HS3ST5: variants seen among roughly 807,000 people sequenced by gnomAD.
HS3ST5 encodes the protein heparan sulfate-glucosamine 3-sulfotransferase 5.
Under a neutral mutation model 25.4 loss-of-function variants are expected in HS3ST5, and 10 were observed. That is an observed-to-expected ratio of 0.39 (90% confidence interval 0.24 to 0.67). HS3ST5 has a LOEUF of 0.67. HS3ST5 is among the 30% of genes least tolerant of loss of function. The pLI is 0.44. For synonymous variants in HS3ST5, 170 were observed against 162.4 expected (o/e 1.05, Z -0.36); for missense variants, 324 against 420.7 (o/e 0.77, Z 2.01).
chr6:114,271,240 A>T (rs1021844320), intron 1 of HS3ST5, among the ~76,000 whole-genome samples: 1 of 152,058 alleles, frequency 6.6e-6, no homozygotes, highest in Admixed American at 6.6e-5. Context: ...TTGTTTCTCA[A>T]TTGATCATGG....
At chr6:114,298,654 G>A (rs1451921721) in intron 1 of HS3ST5, among the ~76,000 whole-genome samples, 1 of 152,214 alleles carries the variant, frequency 6.6e-6, no homozygotes, top group African/African-American at 2.4e-5. Flanking sequence ...ACCCCGAATG[G>A]GGGGACCGGC....
At chr6:114,193,674 C>A (rs953813741) in intron 2 of HS3ST5, among the ~76,000 whole-genome samples, 4 of 152,088 alleles carry the variant, frequency 2.6e-5, no homozygotes, top group Non-Finnish European at 5.9e-5. Context: ...TACTGTAATG[C>A]CTGGCACATA....
chr6:114,327,419 GT>G lies in HS3ST5; in HGVS notation c.-339+14775del, dbSNP rs540422644. 3.2e-3 allele frequency among the ~76,000 whole-genome samples: 488 copies of G among 152,310 alleles called. 2 individuals carry two copies. Among genetic ancestry groups the G allele is most frequent in the African/African-American group, 0.011 (464 of 41,566 alleles). On this transcript the variant is annotated intron_variant, in intron 1 of 4. Coordinates refer to ENST00000312719, the MANE Select transcript of HS3ST5 (RefSeq NM_153612.4). ...CTGAACAGTTTGATGATGCAAATTA[GT>G]TTGAGGATCAATTTAGGATTTCTCT... is the stretch of plus-strand genomic sequence containing the variant.
chr6:114,197,164 T>A (rs570909463), intron 2 of HS3ST5, among the ~76,000 whole-genome samples: 1 of 151,700 alleles, frequency 6.6e-6, no homozygotes, highest in South Asian at 2.1e-4. Context: ...GAGTACTTTA[T>A]TTTTTGAATA....
intron 3 of HS3ST5, chr6:114,142,848 A>G (rs568094032): frequency 6.6e-6 from 1 of 152,304 alleles, no homozygotes; most frequent in South Asian, 2.1e-4. Flanking sequence ...CTGGACTGCT[A>G]CTAAGTAAAA....
intron 3 of HS3ST5, among the ~76,000 whole-genome samples, chr6:114,100,942 CAATT>C (rs1388950525): frequency 6.6e-6 from 1 of 152,152 alleles, no homozygotes; most frequent in South Asian, 2.1e-4. Context: ...GGTTTGAAAA[CAATT>C]AATCTGGGCC....
intron 1 of HS3ST5, among the ~76,000 whole-genome samples, chr6:114,290,120 A>C (rs748547425): frequency 1.3e-5 from 2 of 152,166 alleles, no homozygotes; most frequent in Non-Finnish European, 2.9e-5. Flanking sequence ...AAATGATTAC[A>C]TAAATATGGA....
At position 114,331,365 on chromosome 6, in the gene HS3ST5, T is replaced by C. The variant is rs150617002; in HGVS notation, c.-339+10830A>G. On this transcript the variant is annotated intron_variant, in intron 1 of 4. Transcript: ENST00000312719. Reference sequence around the variant, plus strand: ...GTTCTACTTTTTTATTGCTCAAGATTTTCTCTCACTTTAAGACAGGAAATG... The same window carrying C: ...GTTCTACTTTTTTATTGCTCAAGATCTTCTCTCACTTTAAGACAGGAAATG... 1.5e-3 allele frequency among the ~76,000 whole-genome samples: 229 copies of C among 152,304 alleles called. 1 individual carries two copies. Among genetic ancestry groups the C allele is most frequent in the African/African-American group, 5.4e-3 (224 of 41,576 alleles).
At chr6:114,197,753 A>G (rs1259459737) in intron 2 of HS3ST5, among the ~76,000 whole-genome samples, 1 of 152,122 alleles carries the variant, frequency 6.6e-6, no homozygotes. Flanking sequence ...TTTCTGTGCT[A>G]ATTTGCTTGG....
chr6:114,219,279 C>T (rs960828425), intron 2 of HS3ST5, among the ~76,000 whole-genome samples: 1 of 152,156 alleles, frequency 6.6e-6, no homozygotes, highest in Non-Finnish European at 1.5e-5. Flanking sequence ...AAGGTAGGTT[C>T]GATTTTACTC....
chr6:114,210,624 T>C (rs1781475895), intron 2 of HS3ST5, among the ~76,000 whole-genome samples: 1 of 152,210 alleles, frequency 6.6e-6, no homozygotes, highest in Non-Finnish European at 1.5e-5. Flanking sequence ...GGGACACTTC[T>C]GTGTCATTCA....
chr6:114,170,300 G>GTA (rs1034982832), intron 2 of HS3ST5, among the ~76,000 whole-genome samples: 2 of 151,852 alleles, frequency 1.3e-5, no homozygotes, highest in African/African-American at 4.8e-5. Context: ...TAAATATAGA[G>GTA]TATATATATC....
intron 1 of HS3ST5, among the ~76,000 whole-genome samples, chr6:114,336,584 G>A (rs2114933702): frequency 6.6e-6 from 1 of 152,290 alleles, no homozygotes; most frequent in African/African-American, 2.4e-5. Context: ...TGCAGCCTGG[G>A]TGACAGAGCG....
At chr6:114,341,541 C>G (rs1776871362) in intron 1 of HS3ST5, among the ~76,000 whole-genome samples, 1 of 151,584 alleles carries the variant, frequency 6.6e-6, no homozygotes, top group South Asian at 2.1e-4. Flanking sequence ...AGCGACCTCT[C>G]AGACTTGTTT....
At position 114,122,945 on chromosome 6, in the gene HS3ST5, T is replaced by C. The variant is rs1342396904; in HGVS notation, c.-33+45406A>G. Among the ~76,000 whole-genome samples the C allele has an allele frequency of 3.3e-5, 5 of 151,632 alleles. 1 individual carries two copies. On this transcript the variant is annotated intron_variant, in intron 3 of 4. Coordinates refer to ENST00000312719, the MANE Select transcript of HS3ST5 (RefSeq NM_153612.4). ...GTCAAGTGTATATACAGATAGTTTT[T>C]GTTTGTTTGTTTGTTTGTTTGTTTG...
chr6:114,209,080 G>A (rs184532194), intron 2 of HS3ST5, among the ~76,000 whole-genome samples: 44 of 152,222 alleles, frequency 2.9e-4, no homozygotes, highest in African/African-American at 9.9e-4. Flanking sequence ...GAATTATGAG[G>A]TGTGGGGGCT....
chr6:114,065,969 C>T (rs1773424251), intron 3 of HS3ST5, among the ~76,000 whole-genome samples: 1 of 152,198 alleles, frequency 6.6e-6, no homozygotes, highest in Non-Finnish European at 1.5e-5. Context: ...AGCTCCAGTC[C>T]ACCCATTCTT....
At chr6:114,175,014 G>A (rs1779662031) in intron 2 of HS3ST5, among the ~76,000 whole-genome samples, 1 of 152,042 alleles carries the variant, frequency 6.6e-6, no homozygotes, top group East Asian at 1.9e-4. Flanking sequence ...AAAGTGCAAG[G>A]TAGATAATAG....
intron 2 of HS3ST5, among the ~76,000 whole-genome samples, chr6:114,181,578 AG>A (rs1779972965): frequency 6.6e-6 from 1 of 152,224 alleles, no homozygotes; most frequent in African/African-American, 2.4e-5. Context: ...CTTATCACAA[AG>A]AAAAAAATAA....
Sources: allele counts gnomAD v4.1 joint callset (sites outside exome capture counted in the v4.1 genomes callset), GRCh38; gene constraint gnomAD v4.1.1; transcripts MANE v1.5; gene names NCBI Gene and HGNC (gene_info 2026-07-23, HGNC 2026-07-21).